The following FLOT2 variants were observed in gnomAD, a reference collection of about 807,000 sequenced individuals.
FLOT2 encodes flotillin 2.
FLOT2 carries 35 observed loss-of-function variants against 54.9 expected under a neutral mutation model. That is an observed-to-expected ratio of 0.64 (90% CI 0.49 to 0.84). The LOEUF (loss-of-function observed/expected upper bound fraction) is 0.84. Ranked by LOEUF, FLOT2 falls within the 40% of genes least tolerant of loss-of-function variation. The probability of loss-of-function intolerance (pLI) is 0.00; values close to 1 mark genes in which losing one functional copy is unlikely to be tolerated. For synonymous variants in FLOT2, 207 were observed against 228.9 expected (o/e 0.90, Z 0.86); for missense variants, 464 against 572.1 (o/e 0.81, Z 1.93).
Position 28,882,733 on chromosome 17 carries a change from G to A in FLOT2, c.347-42C>T, listed in dbSNP as rs1264006396. 3.0e-6 allele frequency: 4 copies of A among 1,343,138 alleles called. No individual in the cohort carries two copies. In the African/African-American group the frequency reaches 5.8e-5, roughly 19 times the overall value. 83.2% of individuals were successfully genotyped at this position (1,343,138 alleles called of 1,614,324 possible). A position where few individuals can be genotyped will look rare whatever the true frequency, so the allele number is the denominator to read the frequency against. On this transcript the variant is annotated intron_variant, in intron 4 of 10. Transcript: ENST00000394908. The surrounding 1 kb of genome is among the most constrained non-coding windows in gnomAD (Gnocchi z 5.6). Reference sequence around the variant, plus strand: ...CAAGGGCTGGCTCCCCAGGGACCCAGCCAGCTGGGGAAGGGAGGAGGCATG... The same window carrying A: ...CAAGGGCTGGCTCCCCAGGGACCCAACCAGCTGGGGAAGGGAGGAGGCATG...
Position 28,880,559 on chromosome 17 carries a change from C to A in FLOT2, c.*2G>T, listed in dbSNP as rs775052595. 3 of 1,613,740 alleles carry A rather than the reference C, an allele frequency of 1.9e-6. No homozygotes were observed. The highest frequency in any genetic ancestry group is 2.5e-6 in the Non-Finnish European group (3 of 1,179,814). On this transcript the variant is annotated 3_prime_UTR_variant, in exon 11 of 11. Transcript: ENST00000394908. Reference sequence around the variant, plus strand: ...GCTGAAGAGAGTGGGCCTGCAGGAGCCTCACACCTGCACACCAGTGGCCTT... The same window carrying A: ...GCTGAAGAGAGTGGGCCTGCAGGAGACTCACACCTGCACACCAGTGGCCTT...
intron 8 of FLOT2, 76 bp from the exon 9 acceptor site, chr17:28,881,451 C>G: frequency 6.9e-7 from 1 of 1,439,080 alleles, no homozygotes; most frequent in South Asian, 1.2e-5. Context: ...GGCCAGCAAA[C>G]CTTCAAACCC....
At chr17:28,885,860 T>G in intron 2 of FLOT2, 1 of 1,543,322 alleles carries the variant, frequency 6.5e-7, no homozygotes, top group Middle Eastern at 1.7e-4. Context: ...TTATTACCTG[T>G]GCAACCCCTG....
In FLOT2 at chr17:28,880,715, TAGAC is replaced by T; in HGVS notation, c.1242_1245del (p.Ser415ArgfsTer4). ...ACCGCAGCTAGGCAGGCACATACCTTAGACAGGTCCACGCCTGTGAGGGCATGCA... is the reference window on the plus strand; with the variant it reads ...ACCGCAGCTAGGCAGGCACATACCTTAGGTCCACGCCTGTGAGGGCATGCA... On this transcript the variant is annotated frameshift_variant, in exon 10 of 11. Transcript: ENST00000394908. LOFTEE classifies it high-confidence loss of function. 6.2e-7 allele frequency: 1 copy of T among 1,614,176 alleles called. No homozygotes were observed. Among genetic ancestry groups the T allele is most frequent in the Non-Finnish European group, 8.5e-7 (1 of 1,180,016 alleles).
chr17:28,880,179 C>A lies in FLOT2; in HGVS notation c.*382G>T. 9.0e-7 allele frequency: 1 copy of A among 1,111,046 alleles called. No homozygotes were observed. Among genetic ancestry groups the A allele is most frequent in the Non-Finnish European group, 1.1e-6 (1 of 905,070 alleles). 68.8% of individuals were successfully genotyped at this position (1,111,046 alleles called of 1,614,324 possible). A position where few individuals can be genotyped will look rare whatever the true frequency, so the allele number is the denominator to read the frequency against. On this transcript the variant is annotated 3_prime_UTR_variant, in exon 11 of 11. Coordinates refer to ENST00000394908, the MANE Select transcript of FLOT2 (RefSeq NM_004475.3). ...GGGCCATAGGGAGGATGGACAGATGCACAGAGAACTTCAAGGCACCAGGAT... is the reference window on the plus strand; with the variant it reads ...GGGCCATAGGGAGGATGGACAGATGAACAGAGAACTTCAAGGCACCAGGAT...
chr17:28,880,466 C>A lies in FLOT2; in HGVS notation c.*95G>T, dbSNP rs149176421. 216 of 1,548,808 alleles carry A rather than the reference C, an allele frequency of 1.4e-4. 1 individual carries two copies. Among genetic ancestry groups the A allele is most frequent in the Non-Finnish European group, 1.8e-4 (210 of 1,147,072 alleles). ...CTTCTGGTCCCTTCGAGATAAGGCA[C>A]CAGAGTCAGTAACGTTCCCGTTGTT... On this transcript the variant is annotated 3_prime_UTR_variant, in exon 11 of 11. Transcript: ENST00000394908.
chr17:28,894,159 T>G lies in FLOT2; in HGVS notation c.49+3367A>C, dbSNP rs184239428. On this transcript the variant is annotated intron_variant, in intron 1 of 10. Transcript: ENST00000394908. Reference sequence around the variant, plus strand: ...TGCTGGGATTACAAGTGTGAGCCAGTGTGTCCAGCCCACTTTCTTCCTACT... The same window carrying G: ...TGCTGGGATTACAAGTGTGAGCCAGGGTGTCCAGCCCACTTTCTTCCTACT... Among the ~76,000 whole-genome samples, 19 of 152,288 alleles carry G rather than the reference T, an allele frequency of 1.2e-4. No homozygotes were observed. In the East Asian group the frequency reaches 3.3e-3, roughly 26 times the overall value.
chr17:28,881,515 G>T, intron 8 of FLOT2, 140 bp from the exon 9 acceptor site: 1 of 905,732 alleles, frequency 1.1e-6, no homozygotes, highest in Non-Finnish European at 1.7e-6. Flanking sequence ...GGGGTGGCCT[G>T]ACCTTCCGGC....
Position 28,884,482 on chromosome 17 carries a change from G to A in FLOT2, c.132-167C>T, listed in dbSNP as rs1436723497. Among the ~76,000 whole-genome samples, 5 of 152,194 alleles carry A rather than the reference G, an allele frequency of 3.3e-5. No homozygotes were observed. Among genetic ancestry groups the A allele is most frequent in the Admixed American group, 3.3e-4 (5 of 15,272 alleles). ...GTGTCTGAGAAGGAGGTGGGCACGA[G>A]GGCAGGGTGGGTGCAGGTGGCCCCA... On this transcript the variant is annotated intron_variant, in intron 2 of 10. Coordinates refer to ENST00000394908, the MANE Select transcript of FLOT2 (RefSeq NM_004475.3). The surrounding 1 kb of genome is among the most constrained non-coding windows in gnomAD (Gnocchi z 5.1).
At position 28,882,755 on chromosome 17, in the gene FLOT2, C is replaced by T; in HGVS notation, c.347-64G>A. On this transcript the variant is annotated intron_variant, in intron 4 of 10. Coordinates refer to ENST00000394908, the MANE Select transcript of FLOT2 (RefSeq NM_004475.3). The surrounding 1 kb of genome is among the most constrained non-coding windows in gnomAD (Gnocchi z 5.6). ...CCAGCCAGCTGGGGAAGGGAGGAGG[C>T]ATGCATGTAGAGGTAGGGGTGCATG... 1 of 1,110,978 alleles carries T rather than the reference C, an allele frequency of 9.0e-7. No homozygotes were observed. The highest frequency in any genetic ancestry group is 1.4e-6 in the Non-Finnish European group (1 of 730,280). 68.8% of individuals were successfully genotyped at this position (1,110,978 alleles called of 1,614,324 possible).
At chr17:28,889,295 G>A (rs1003249803) in intron 1 of FLOT2, among the ~76,000 whole-genome samples, 1 of 151,760 alleles carries the variant, frequency 6.6e-6, no homozygotes, top group Non-Finnish European at 1.5e-5. Context: ...GAGAAAAGAA[G>A]AACAGAACAG....
In FLOT2 at chr17:28,880,706, C is replaced by A. The variant is rs1567927957; in HGVS notation, c.1248+7G>T. 1 of 1,614,184 alleles carries A rather than the reference C, an allele frequency of 6.2e-7. No individual in the cohort carries two copies. The highest frequency in any genetic ancestry group is 8.5e-7 in the Non-Finnish European group (1 of 1,180,028). On this transcript the variant is annotated splice_region_variant and intron_variant, in intron 10 of 10. Coordinates refer to ENST00000394908, the MANE Select transcript of FLOT2 (RefSeq NM_004475.3). Reference sequence around the variant, plus strand: ...GGCAACCCCACCGCAGCTAGGCAGGCACATACCTTAGACAGGTCCACGCCT... The same window carrying A: ...GGCAACCCCACCGCAGCTAGGCAGGAACATACCTTAGACAGGTCCACGCCT...
chr17:28,880,958 C>A (rs1329607033), intron 9 of FLOT2, 96 bp from the exon 10 acceptor site: 6 of 1,465,778 alleles, frequency 4.1e-6, no homozygotes, highest in African/African-American at 1.4e-5. Flanking sequence ...TCACTCCAAC[C>A]CCAAAGCAGC....
chr17:28,885,704 C>A, intron 2 of FLOT2: 1 of 719,996 alleles, frequency 1.4e-6, no homozygotes, highest in Non-Finnish European at 2.6e-6. Context: ...GTACAGGGAT[C>A]CATCCTGGCA....
Position 28,880,508 on chromosome 17 carries a change from G to T in FLOT2, c.*53C>A. The T allele has an allele frequency of 6.3e-7, 1 of 1,596,046 alleles. No individual in the cohort carries two copies. Among genetic ancestry groups the T allele is most frequent in the Non-Finnish European group, 8.5e-7 (1 of 1,171,446 alleles). On this transcript the variant is annotated 3_prime_UTR_variant, in exon 11 of 11. Coordinates refer to ENST00000394908, the MANE Select transcript of FLOT2 (RefSeq NM_004475.3). ...CCCGTTGTTCTGTGGGATTAAAACG[G>T]GTGCTGGAGGGAGGGCCGGGTGGCT...
At chr17:28,881,705 G>C in intron 8 of FLOT2, 109 bp downstream of exon 8, 1 of 966,736 alleles carries the variant, frequency 1.0e-6, no homozygotes, top group Non-Finnish European at 1.6e-6. Flanking sequence ...AGAAGACACA[G>C]TGGAGGGGGA....
In FLOT2 at chr17:28,880,229, C is replaced by A; in HGVS notation, c.*332G>T. 8.5e-7 allele frequency: 1 copy of A among 1,181,982 alleles called. No homozygotes were observed. Among genetic ancestry groups the A allele is most frequent in the South Asian group, 2.2e-5 (1 of 46,390 alleles). 73.2% of individuals were successfully genotyped at this position (1,181,982 alleles called of 1,614,324 possible). ...TTCTGAGGAGCAGCAGGGCCACCCC[C>A]CACAGAGAGTGATTGTAATAAACAT... On this transcript the variant is annotated 3_prime_UTR_variant, in exon 11 of 11. Coordinates refer to ENST00000394908, the MANE Select transcript of FLOT2 (RefSeq NM_004475.3).
At position 28,883,685 on chromosome 17, in the gene FLOT2, G is replaced by A. The variant is rs562713895; in HGVS notation, c.223-454C>T. Among the ~76,000 whole-genome samples the A allele has an allele frequency of 4.8e-4, 73 of 152,290 alleles. 2 individuals carry two copies. The highest frequency in any genetic ancestry group is 1.7e-3 in the South Asian group (8 of 4,826). The stretch of plus-strand genomic sequence containing the variant: ...AACCGAGGGTGCCTCTCCTTCTTGA[G>A]TTACTCAGCCAACCCCTCGCCGAGG... On this transcript the variant is annotated intron_variant, in intron 3 of 10. Coordinates refer to ENST00000394908, the MANE Select transcript of FLOT2 (RefSeq NM_004475.3). This position sits in a 1 kb window ranked among gnomAD's most constrained non-coding sequence, Gnocchi z 5.0.
rs776108358 is a variant in FLOT2 at position 28,882,354 on chromosome 17, G to A, written c.562C>T (p.Arg188Trp). The change falls in exon 6 of 11, where the codon CGG (arginine) becomes TGG (tryptophan). Residue 188 changes from arginine to tryptophan, a missense_variant. By Grantham distance (101) the Arg-to-Trp change is moderately radical. Coordinates refer to ENST00000394908, the MANE Select transcript of FLOT2 (RefSeq NM_004475.3). The surrounding 1 kb of genome is among the most constrained non-coding windows in gnomAD (Gnocchi z 5.6). ...DADIGVAEAE[R>W]DAGIREAECK... ...CCACATACCCGGATGCCTGCGTCCC[G>A]TTCAGCCTCGGCCACGCCAATGTCA... 2 of 1,613,812 alleles carry A rather than the reference G, an allele frequency of 1.2e-6. No homozygotes were observed. The highest frequency in any genetic ancestry group is 1.7e-6 in the Non-Finnish European group (2 of 1,180,048).
Sources: allele counts gnomAD v4.1 joint callset (sites outside exome capture counted in the v4.1 genomes callset), GRCh38; gene constraint gnomAD v4.1.1; non-coding constraint Gnocchi (gnomAD v3.1); transcripts MANE v1.5; gene names NCBI Gene and HGNC (gene_info 2026-07-23, HGNC 2026-07-21).